Variants in DRC4 observed in about 807,000 individuals in gnomAD.
DRC4 encodes dynein regulatory complex subunit 4, also known as GAS-11.
chr16:90,022,480 G>A, the DRC4 span: 4 of 448,878 alleles, frequency 8.9e-6, no homozygotes, highest in Middle Eastern at 5.9e-4. Flanking sequence ...AGCAAAACAT[G>A]CCCTGCAGCG....
chr16:90,022,628 C>A, the DRC4 span: 1 of 1,324,402 alleles, frequency 7.6e-7, no homozygotes, highest in Non-Finnish European at 9.9e-7. Context: ...TGTGACTTAT[C>A]GCGGCATCGC....
the DRC4 span, among the ~76,000 whole-genome samples, chr16:90,038,196 A>G: frequency 1.1e-4 from 16 of 152,316 alleles, no homozygotes; most frequent in African/African-American, 3.8e-4. Flanking sequence ...CTGAAAGCAC[A>G]TGAGGGAGGC....
the DRC4 span, chr16:90,039,939 C>A: frequency 3.2e-6 from 1 of 315,738 alleles, no homozygotes; most frequent in Non-Finnish European, 6.2e-6. Context: ...TGCCCTGGAT[C>A]TCAAATCTCA....
At chr16:90,037,706 T>G in the DRC4 span, 1 of 1,528,782 alleles carries the variant, frequency 6.5e-7, no homozygotes, top group Admixed American at 1.7e-5. Flanking sequence ...CCGTGTTACT[T>G]GGATGACTGT....
At chr16:90,022,920 C>G in the DRC4 span, among the ~76,000 whole-genome samples, 1 of 152,168 alleles carries the variant, frequency 6.6e-6, no homozygotes, top group Non-Finnish European at 1.5e-5. Context: ...CCTGGCAGCA[C>G]TCGGGACTGA....
the DRC4 span, chr16:90,032,857 G>A: frequency 6.8e-6 from 11 of 1,613,778 alleles, no homozygotes; most frequent in African/African-American, 4.0e-5. Flanking sequence ...AAGGACATGC[G>A]GGCACTGAAG....
chr16:90,031,349 G>A, the DRC4 span: 6 of 1,613,532 alleles, frequency 3.7e-6, no homozygotes, highest in South Asian at 4.4e-5. Flanking sequence ...GCGAGCGGGA[G>A]GAACGAAACT....
At chr16:90,019,724 T>G in the DRC4 span, 1 of 636,988 alleles carries the variant, frequency 1.6e-6, no homozygotes, top group Non-Finnish European at 2.8e-6. This position sits in a 1 kb window ranked among gnomAD's most constrained non-coding sequence, Gnocchi z 6.1. Flanking sequence ...TCCTGCGCAC[T>G]CACTTGGCGG....
chr16:90,033,869 C>T, the DRC4 span, among the ~76,000 whole-genome samples: 52 of 151,148 alleles, frequency 3.4e-4, no homozygotes, highest in Admixed American at 2.7e-3. Context: ...AGGTGGGGTG[C>T]GGTTTTGTAC....
chr16:90,035,028 C>T, the DRC4 span, among the ~76,000 whole-genome samples: 5 of 150,896 alleles, frequency 3.3e-5, no homozygotes, highest in South Asian at 4.2e-4. Context: ...CTCAGCCTCT[C>T]GACTAGCTGG....
the DRC4 span, among the ~76,000 whole-genome samples, chr16:90,023,947 G>A: frequency 1.4e-5 from 2 of 146,680 alleles, no homozygotes; most frequent in Non-Finnish European, 3.0e-5. Flanking sequence ...AGCCGAGATC[G>A]CACCACCGCA....
the DRC4 span, among the ~76,000 whole-genome samples, chr16:90,039,018 T>C: frequency 6.6e-6 from 1 of 152,270 alleles, no homozygotes; most frequent in Admixed American, 6.5e-5. Flanking sequence ...ATATCCCATC[T>C]GTCTGTCAGA....
chr16:90,035,645 G>T, the DRC4 span: 1 of 1,614,174 alleles, frequency 6.2e-7, no homozygotes, highest in Non-Finnish European at 8.5e-7. Context: ...ACACACCGAG[G>T]AGATCACCAG....
At chr16:90,044,625 T>G in the DRC4 span, 7 of 470,968 alleles carry the variant, frequency 1.5e-5, no homozygotes, top group Non-Finnish European at 3.1e-5. Context: ...TCTGTGTAGC[T>G]GGGGAGAGGA....
chr16:90,037,774 C>G, the DRC4 span: 1 of 1,614,058 alleles, frequency 6.2e-7, no homozygotes, highest in East Asian at 2.2e-5. Context: ...CACAAAAGCC[C>G]GTTTGAAAGT....
the DRC4 span, chr16:90,044,468 G>A: frequency 8.5e-6 from 4 of 469,920 alleles, no homozygotes; most frequent in Non-Finnish European, 1.3e-5. Flanking sequence ...TGAGTCATGA[G>A]CCTCAGCCCC....
At chr16:90,031,493 C>G in the DRC4 span, 3 of 1,559,226 alleles carry the variant, frequency 1.9e-6, no homozygotes, top group South Asian at 2.4e-5. Flanking sequence ...AGGTGGAGAT[C>G]AAGGTGAGTG....
chr16:90,042,407 G>C, the DRC4 span: 2 of 1,446,306 alleles, frequency 1.4e-6, no homozygotes, highest in Admixed American at 1.7e-5. Flanking sequence ...GGAGTCCCCA[G>C]GCCGCTCCCG....
chr16:90,029,465 C>T, the DRC4 span: 2 of 539,848 alleles, frequency 3.7e-6, no homozygotes, highest in African/African-American at 2.0e-5. Context: ...GGCAAAATCT[C>T]AACACCATGT....
Sources: gnomAD v4.1 joint callset for allele counts (sites outside exome capture counted in the v4.1 genomes callset) on GRCh38, gnomAD v4.1.1 for gene constraint, Gnocchi (gnomAD v3.1) non-coding constraint, MANE v1.5 for transcripts, NCBI Gene and HGNC (gene_info 2026-07-23, HGNC 2026-07-21) for gene names.